NFATC3: variants seen among roughly 807,000 people sequenced by gnomAD.
NFATC3 encodes the protein nuclear factor of activated T cells 3, also known as nuclear factor of activated T-cells, cytoplasmic 3.
A neutral mutation model predicts 98.6 loss-of-function variants in NFATC3; 46 were observed. The ratio of observed to expected loss-of-function variants is 0.47; its 90% CI spans 0.37 to 0.60. NFATC3 has a LOEUF of 0.60. Among genes scored for constraint, NFATC3 ranks in the 20% least tolerant of loss-of-function variants. The pLI, the probability that NFATC3 is intolerant of heterozygous loss-of-function variation, is 0.00. For synonymous variants in NFATC3, 512 were observed against 472.2 expected, an observed-to-expected ratio of 1.08 and a Z score of -1.09; for missense variants, 1,256 against 1,295.5, an observed-to-expected ratio of 0.97 and a Z score of 0.47.
chr16:68,152,100 C>T (rs1196594072), intron 3 of NFATC3, among the ~76,000 whole-genome samples: 3 of 150,232 alleles, frequency 2.0e-5, no homozygotes, highest in Non-Finnish European at 3.0e-5. Context: ...CAGTGGCTCA[C>T]GCCTATAATC....
chr16:68,159,955 G>T (rs978033944), intron 4 of NFATC3, among the ~76,000 whole-genome samples: 1 of 151,898 alleles, frequency 6.6e-6, no homozygotes, highest in Non-Finnish European at 1.5e-5. Context: ...GCGGGTGTCT[G>T]TAATCCCAGC....
Position 68,191,701 on chromosome 16 carries a change from G to C in NFATC3, c.3032G>C (p.Ser1011Thr). 1 of 1,614,108 alleles carries C rather than the reference G, an allele frequency of 6.2e-7. No homozygotes were observed. The stretch of plus-strand genomic sequence containing the variant: ...TTTCCACCTGATGGGGCAACTGTGA[G>C]CATTAAACCTGAACCAGAAGATCGA... Reference protein sequence around the residue: ...ASFPPDGATVSIKPEPEDREP... With the variant: ...ASFPPDGATVTIKPEPEDREP... The change falls in exon 9 of 10, where the codon AGC (serine) becomes ACC (threonine). Residue 1011 changes from serine (S) to threonine (T), a missense_variant. Around this residue, in one of 3 missense-constraint regions of NFATC3, gnomAD observed 636 missense variants for 617.3 expected, o/e 1.03. Transcript: ENST00000346183.
At position 68,153,018 on chromosome 16, in the gene NFATC3, A is replaced by C. The variant is rs1221139528; in HGVS notation, c.1402-4851A>C. Among the ~76,000 whole-genome samples, 7 of 152,360 alleles carry C rather than the reference A, an allele frequency of 4.6e-5. No homozygotes were observed. In the East Asian group the frequency reaches 1.2e-3, roughly 25 times the overall value. ...ACTTTAAAAAAATAATAATCAGTAC[A>C]TACTCATCATGTCAAAACAAGAAAA... On this transcript the variant is annotated intron_variant, in intron 3 of 9. Coordinates refer to ENST00000346183, the MANE Select transcript of NFATC3 (RefSeq NM_173165.3).
intron 1 of NFATC3, among the ~76,000 whole-genome samples, chr16:68,109,478 G>C (rs533066360): frequency 1.6e-4 from 25 of 152,318 alleles, no homozygotes; most frequent in African/African-American, 4.8e-4. Context: ...CGGTTTACCA[G>C]TATTTATTTG....
intron 9 of NFATC3, among the ~76,000 whole-genome samples, chr16:68,204,401 C>T (rs983446456): frequency 2.0e-5 from 3 of 152,142 alleles, no homozygotes; most frequent in Admixed American, 2.0e-4. Context: ...GTTACTGTTT[C>T]TTGATAAACT....
intron 1 of NFATC3, among the ~76,000 whole-genome samples, chr16:68,116,693 A>C (rs1209397704): frequency 1.1e-4 from 17 of 152,332 alleles, no homozygotes; most frequent in African/African-American, 4.1e-4. Context: ...CTTCATCTAC[A>C]GTTTATTTGG....
intron 1 of NFATC3, among the ~76,000 whole-genome samples, chr16:68,105,876 G>A (rs1598369168): frequency 6.6e-6 from 1 of 151,898 alleles, no homozygotes; most frequent in Non-Finnish European, 1.5e-5. Flanking sequence ...ATTGTTCATA[G>A]TATTCTTCTT....
intron 4 of NFATC3, among the ~76,000 whole-genome samples, chr16:68,159,239 A>G (rs1259394093): frequency 6.6e-6 from 1 of 152,092 alleles, no homozygotes; most frequent in Non-Finnish European, 1.5e-5. Flanking sequence ...ATCTTTAAAA[A>G]CAAAAAACAA....
intron 9 of NFATC3, chr16:68,209,855 A>G (rs2041302908): frequency 6.3e-6 from 2 of 317,308 alleles, no homozygotes; most frequent in Non-Finnish European, 6.2e-6. Flanking sequence ...ACACAGACAC[A>G]CACACACACA....
chr16:68,140,384 G>A (rs1362188892), intron 3 of NFATC3, among the ~76,000 whole-genome samples: 1 of 152,186 alleles, frequency 6.6e-6, no homozygotes, highest in African/African-American at 2.4e-5. Flanking sequence ...TTAAGTAGAG[G>A]GAAGGGTTTA....
In NFATC3 at chr16:68,122,042, A is replaced by G. The variant is rs753346455; in HGVS notation, c.159A>G (p.Pro53=). The change falls in exon 2 of 10, where the codon CCA becomes CCG. Residue 53 remains proline, a synonymous_variant. Coordinates refer to ENST00000346183, the MANE Select transcript of NFATC3 (RefSeq NM_173165.3). The part of the protein sequence containing the change: ...SIYIFNVDPP[P]STLTTPLCLP... ...ACATCTTTAATGTAGATCCACCTCC[A>G]TCTACTTTAACCACACCACTTTGCT... The G allele has an allele frequency of 3.7e-6, 6 of 1,613,188 alleles. No homozygotes were observed. In the Admixed American group the frequency reaches 1.0e-4, roughly 27 times the overall value.
rs746523571 is a variant in NFATC3, at chr16:68,122,782, C to A, written c.899C>A (p.Ser300Tyr). Reference protein sequence around the residue: ...HHSPVPSPGHSPRGSVTEDTW... With the variant: ...HHSPVPSPGHYPRGSVTEDTW... ...TCACCTGTTCCTTCACCTGGTCACT[C>A]CCCCAGGGGAAGTGTGACAGAAGAT... The change falls in exon 2 of 10, where the codon TCC becomes TAC. Residue 300 changes from serine (S) to tyrosine (Y), a missense_variant. Ser to Tyr is a moderately radical substitution (Grantham distance 144). This residue lies in a region of NFATC3 where 464 missense variants were observed against 465.7 expected (regional missense o/e 1.00). Transcript: ENST00000346183. 3 of 1,614,228 alleles carry A rather than the reference C, an allele frequency of 1.9e-6. No homozygotes were observed. The Admixed American group carries it at 5.0e-5, about 27-fold the overall frequency.
intron 9 of NFATC3, among the ~76,000 whole-genome samples, chr16:68,212,033 T>G (rs1242215631): frequency 6.6e-6 from 1 of 152,220 alleles, no homozygotes; most frequent in African/African-American, 2.4e-5. Context: ...TGGGATGCTT[T>G]CTTATGATTT....
chr16:68,191,918 T>C, intron 9 of NFATC3, 143 bp downstream of exon 9: 2 of 903,274 alleles, frequency 2.2e-6, no homozygotes, highest in African/African-American at 1.7e-5. Flanking sequence ...TATATGTTAA[T>C]ATATAACTTT....
At chr16:68,207,428 C>A (rs114751572) in intron 9 of NFATC3, among the ~76,000 whole-genome samples, 14 of 152,058 alleles carry the variant, frequency 9.2e-5, no homozygotes, top group Non-Finnish European at 1.6e-4. Context: ...TGTGTGTTTA[C>A]GTAAGAGTGG....
At chr16:68,125,963 G>A (rs572863101) in intron 2 of NFATC3, among the ~76,000 whole-genome samples, 3 of 152,124 alleles carry the variant, frequency 2.0e-5, no homozygotes, top group African/African-American at 4.8e-5. Context: ...CGCAATCTTG[G>A]CTCATTGCAG....
chr16:68,220,657 C>T (rs1201894155), intron 9 of NFATC3, among the ~76,000 whole-genome samples: 2 of 149,520 alleles, frequency 1.3e-5, no homozygotes, highest in Non-Finnish European at 3.0e-5. Flanking sequence ...CCTGTAATCC[C>T]GGCACTTTGG....
In NFATC3 at chr16:68,138,900, T is replaced by G. The variant is rs1225852632; in HGVS notation, c.1401+12290T>G. 4.4e-6 allele frequency: 3 copies of G among 688,860 alleles called. No homozygotes were observed. The Admixed American group carries it at 1.2e-4, about 28-fold the overall frequency. The allele number at this position is 688,860 out of a possible 1,614,324, so 42.7% of individuals were successfully genotyped here. ...GTTTTGGTTGAATCCTGGATTTTAC[T>G]GTATCCTTGACCAAGTAACTTAACC... On this transcript the variant is annotated intron_variant, in intron 3 of 9. Transcript: ENST00000346183.
At chr16:68,097,805 T>C (rs1016408630) in intron 1 of NFATC3, among the ~76,000 whole-genome samples, 2 of 152,204 alleles carry the variant, frequency 1.3e-5, no homozygotes, top group African/African-American at 2.4e-5. Flanking sequence ...CATGAAACTT[T>C]TACCAGATAT....
Sources: gnomAD v4.1 joint callset for allele counts (sites outside exome capture counted in the v4.1 genomes callset) on GRCh38, gnomAD v4.1.1 for gene constraint, gnomAD v4.1.1 regional missense constraint, MANE v1.5 for transcripts, NCBI Gene and HGNC (gene_info 2026-07-23, HGNC 2026-07-21) for gene names.